Variants in CUX2 observed in about 807,000 individuals in gnomAD.
CUX2 encodes the protein cut like homeobox 2, also known as homeobox protein cut-like 2.
Under a neutral mutation model 144.8 loss-of-function variants are expected in CUX2, and 40 were observed. The observed-to-expected ratio is 0.28, with a 90% CI of 0.21 to 0.36. CUX2 has a LOEUF of 0.36. Ranked by LOEUF, CUX2 falls within the 10% of genes least tolerant of loss-of-function variation. The pLI is 1.00. For missense variants in CUX2, 1,615 were observed against 1,994.0 expected (o/e 0.81, Z 3.62); for synonymous variants, 827 against 875.6 (o/e 0.94, Z 0.98).
intron 2 of CUX2, among the ~76,000 whole-genome samples, chr12:111,216,115 G>A (rs1253572459): frequency 6.6e-6 from 1 of 152,188 alleles, no homozygotes; most frequent in Non-Finnish European, 1.5e-5. Context: ...CAGATGAGGC[G>A]GCATGCTTCT....
At chr12:111,181,279 G>A (rs757040521) in intron 1 of CUX2, among the ~76,000 whole-genome samples, 2 of 152,334 alleles carry the variant, frequency 1.3e-5, no homozygotes, top group African/African-American at 4.8e-5. Flanking sequence ...CTTCCGCTGG[G>A]CAGGAGGCCC....
Position 111,310,720 on chromosome 12 carries a change from C to T in CUX2, c.1900+38C>T, listed in dbSNP as rs66783848. The T allele has an allele frequency of 0.048, 73,638 of 1,547,708 alleles. 1,920 individuals carry two copies. The highest frequency in any genetic ancestry group is 0.092 in the South Asian group (7,544 of 81,576). On this transcript the variant is annotated intron_variant, in intron 15 of 21. Coordinates refer to ENST00000261726, the MANE Select transcript of CUX2 (RefSeq NM_015267.4). This position sits in a 1 kb window ranked among gnomAD's most constrained non-coding sequence, Gnocchi z 7.9. ...GAGGGCCCGTCCCCGCTGGCCACCACGCCAGGTCCAGGGCATCAGGGCTGG... is the reference window on the plus strand; with the variant it reads ...GAGGGCCCGTCCCCGCTGGCCACCATGCCAGGTCCAGGGCATCAGGGCTGG...
chr12:111,241,651 C>G (rs1178592332), intron 3 of CUX2, among the ~76,000 whole-genome samples: 1 of 152,284 alleles, frequency 6.6e-6, no homozygotes, highest in African/African-American at 2.4e-5. Context: ...ACATGGCGGC[C>G]AAGACTGGAT....
Position 111,132,644 on chromosome 12 carries a change from G to A in CUX2, c.64-81556G>A, listed in dbSNP as rs374993122. On this transcript the variant is annotated intron_variant, in intron 1 of 21. Coordinates refer to ENST00000261726, the MANE Select transcript of CUX2 (RefSeq NM_015267.4). ...TGCAATGGCACTATCTCAACTAACC[G>A]CAACCTCTGCCTCCCAGATTCAAGC... Among the ~76,000 whole-genome samples, 3 of 121,884 alleles carry A rather than the reference G, an allele frequency of 2.5e-5. No individual in the cohort carries two copies. In the East Asian group the frequency reaches 8.5e-4, roughly 35 times the overall value. 80.0% of individuals were successfully genotyped at this position (121,884 alleles called of 152,430 possible).
At chr12:111,177,786 T>C (rs962591542) in intron 1 of CUX2, among the ~76,000 whole-genome samples, 6 of 152,254 alleles carry the variant, frequency 3.9e-5, no homozygotes, top group African/African-American at 1.2e-4. Context: ...TGACCAGGGC[T>C]GGCCCGAGGC....
At chr12:111,323,435 C>T (rs1887630694) in intron 18 of CUX2, among the ~76,000 whole-genome samples, 1 of 152,198 alleles carries the variant, frequency 6.6e-6, no homozygotes, top group African/African-American at 2.4e-5. Context: ...GAAGCTAACA[C>T]CTACAGGATG....
intron 16 of CUX2, among the ~76,000 whole-genome samples, chr12:111,314,548 G>T (rs965737132): frequency 6.7e-6 from 1 of 149,596 alleles, no homozygotes; most frequent in African/African-American, 2.4e-5. Flanking sequence ...GCTGAGGCAG[G>T]AGAATTGCTT....
Position 111,077,127 on chromosome 12 carries a change from C to T in CUX2, c.63+42887C>T, listed in dbSNP as rs200790964. ...GTTTGCAGAATACATCTCTGCCCCC[C>T]TTGACTATTTATTTTTTCCTTTGCT... On this transcript the variant is annotated intron_variant, in intron 1 of 21. Coordinates refer to ENST00000261726, the MANE Select transcript of CUX2 (RefSeq NM_015267.4). The surrounding 1 kb of genome is among the most constrained non-coding windows in gnomAD (Gnocchi z 4.1). Among the ~76,000 whole-genome samples, 1 of 152,208 alleles carries T rather than the reference C, an allele frequency of 6.6e-6. No individual in the cohort carries two copies.
intron 10 of CUX2, among the ~76,000 whole-genome samples, chr12:111,305,039 G>A (rs1199527336): frequency 1.3e-5 from 2 of 152,228 alleles, no homozygotes; most frequent in African/African-American, 4.8e-5. Context: ...TGTTAGGCCT[G>A]ATTAATCAAT....
At position 111,348,144 on chromosome 12, in the gene CUX2, C is replaced by T. The variant is rs1285489077; in HGVS notation, c.4280C>T (p.Ala1427Val). Residue 1427 changes from alanine to valine, a missense_variant, in exon 22 of 22, where the codon GCC becomes GTC. Ala to Val is a moderately conservative substitution (Grantham distance 64, BLOSUM62 0). Coordinates refer to ENST00000261726, the MANE Select transcript of CUX2 (RefSeq NM_015267.4). The stretch of plus-strand genomic sequence containing the variant: ...CCCATCTCCCCATCCCCACCTGGCG[C>T]CCCCCCTGCCAAAGTGCCGAGTGCC... ...SAPISPSPPG[A>V]PPAKVPSASP... is the part of the protein sequence containing the mutation. The T allele has an allele frequency of 1.2e-6, 2 of 1,613,596 alleles. No individual in the cohort carries two copies. Among genetic ancestry groups the T allele is most frequent in the East Asian group, 2.2e-5 (1 of 44,898 alleles).
intron 1 of CUX2, among the ~76,000 whole-genome samples, chr12:111,189,203 T>C (rs964011276): frequency 2.6e-5 from 4 of 151,978 alleles, no homozygotes; most frequent in African/African-American, 9.7e-5. Flanking sequence ...GCCTGGGAGG[T>C]TGAGGCTGCA....
intron 1 of CUX2, among the ~76,000 whole-genome samples, chr12:111,052,809 G>A (rs1230632868): frequency 6.6e-6 from 1 of 152,192 alleles, no homozygotes; most frequent in Non-Finnish European, 1.5e-5. Flanking sequence ...CCATGCAATT[G>A]TATTCTGTCT....
intron 1 of CUX2, among the ~76,000 whole-genome samples, chr12:111,189,877 C>T (rs139388320): frequency 3.1e-3 from 476 of 152,160 alleles, no homozygotes; most frequent in Non-Finnish European, 4.7e-3. Flanking sequence ...TGCTGGAGCA[C>T]GGGGAGGCAT....
chr12:111,228,199 C>T (rs1882267895), intron 3 of CUX2, among the ~76,000 whole-genome samples: 2 of 152,268 alleles, frequency 1.3e-5, no homozygotes, highest in African/African-American at 4.8e-5. Context: ...ACAGGAGTTA[C>T]CTCAAAGATA....
chr12:111,262,019 C>CTTCTCAGGT (rs1381440619), intron 3 of CUX2, among the ~76,000 whole-genome samples: 1 of 152,232 alleles, frequency 6.6e-6, no homozygotes, highest in Admixed American at 6.5e-5. Flanking sequence ...GTGACTTCCC[C>CTTCTCAGGT]TTCTCAGGGA....
At chr12:111,214,544 G>A (rs1472243250) in intron 2 of CUX2, among the ~76,000 whole-genome samples, 1 of 152,148 alleles carries the variant, frequency 6.6e-6, no homozygotes, top group East Asian at 1.9e-4. Flanking sequence ...TTTTTTGAGG[G>A]CGCTGTGAAA....
intron 1 of CUX2, among the ~76,000 whole-genome samples, chr12:111,196,267 G>A (rs1401179093): frequency 6.6e-6 from 1 of 152,242 alleles, no homozygotes; most frequent in Non-Finnish European, 1.5e-5. Context: ...TGATGGGCAT[G>A]TGGGTTGTTT....
Position 111,347,630 on chromosome 12 carries a change from C to G in CUX2, c.3766C>G (p.Pro1256Ala). 1 of 1,613,464 alleles carries G rather than the reference C, an allele frequency of 6.2e-7. No individual in the cohort carries two copies. The highest frequency in any genetic ancestry group is 2.2e-5 in the East Asian group (1 of 44,870). ...ACCGCCAGGCCACTCCCACCCAGAC[C>G]CCACCCCGCAGAGCCCTGACTCTGA... is the stretch of plus-strand genomic sequence containing the variant. The part of the protein sequence containing the change: ...ILPPGHSHPD[P>A]TPQSPDSETE... The change falls in exon 22 of 22, where the codon CCC becomes GCC. Residue 1256 changes from proline to alanine, a missense_variant. By Grantham distance (27) the Pro-to-Ala change is conservative. Coordinates refer to ENST00000261726, the MANE Select transcript of CUX2 (RefSeq NM_015267.4).
At chr12:111,103,761 G>T (rs920266814) in intron 1 of CUX2, among the ~76,000 whole-genome samples, 2 of 152,188 alleles carry the variant, frequency 1.3e-5, no homozygotes, top group South Asian at 2.1e-4. Context: ...ACCTGAAACG[G>T]TCAGGTGTCT....
Sources: gnomAD v4.1 joint callset for allele counts (sites outside exome capture counted in the v4.1 genomes callset) on GRCh38, gnomAD v4.1.1 for gene constraint, Gnocchi (gnomAD v3.1) non-coding constraint, MANE v1.5 for transcripts, NCBI Gene and HGNC (gene_info 2026-07-23, HGNC 2026-07-21) for gene names.